FBL: variants seen among roughly 807,000 people sequenced by gnomAD.
FBL encodes fibrillarin rRNA 2'-O-methyltransferase.
FBL carries 10 observed loss-of-function variants against 42.2 expected under a neutral mutation model. The ratio of observed to expected loss-of-function variants is 0.24; its 90% CI spans 0.15 to 0.40. The LOEUF (loss-of-function observed/expected upper bound fraction) is 0.40, where lower values mean the gene tolerates loss of function less well. Among genes scored for constraint, FBL ranks in the 10% least tolerant of loss-of-function variants. The pLI is 1.00. For synonymous variants in FBL, 165 were observed against 165.4 expected (o/e 1.00, Z 0.02); for missense variants, 351 against 439.2 (o/e 0.80, Z 1.79).
At chr19:39,842,872 C>G (rs1969187303) in intron 1 of FBL, among the ~76,000 whole-genome samples, 1 of 152,062 alleles carries the variant, frequency 6.6e-6, no homozygotes, top group African/African-American at 2.4e-5. Flanking sequence ...ACTTCCCTGA[C>G]TTCATTCTCT....
In FBL at chr19:39,834,831, C is replaced by G; in HGVS notation, c.796-18G>C. 6.2e-7 allele frequency: 1 copy of G among 1,614,072 alleles called. No individual in the cohort carries two copies. The highest frequency in any genetic ancestry group is 8.5e-7 in the Non-Finnish European group (1 of 1,179,922). On this transcript the variant is annotated intron_variant, in intron 7 of 8. Transcript: ENST00000221801. Reference sequence around the variant, plus strand: ...CAGTTGGCCTAAAGAGGAGAAAGGACTAATGTCTACAACAGGGCTTTGGGC... The same window carrying G: ...CAGTTGGCCTAAAGAGGAGAAAGGAGTAATGTCTACAACAGGGCTTTGGGC...
rs1371302673 is a variant in FBL at position 39,834,690 on chromosome 19, C to A, written c.919G>T (p.Ala307Ser). 5 of 1,614,176 alleles carry A rather than the reference C, an allele frequency of 3.1e-6. No homozygotes were observed. In the Admixed American group the frequency reaches 8.3e-5, roughly 27 times the overall value. ...CACCTGTACACTCCCACGACCACGG[C>A]ATGGTCTCTTTCATATGGCTCAAGG... ...LTLEPYERDH[A>S]VVVGVYRPPP... Residue 307 changes from alanine to serine, a missense_variant, in exon 8 of 9, where the codon GCC (alanine) becomes TCC (serine). By Grantham distance (99) the Ala-to-Ser change is moderately conservative (BLOSUM62 1). Coordinates refer to ENST00000221801, the MANE Select transcript of FBL (RefSeq NM_001436.4).
chr19:39,846,098 C>T (rs1296404490), intron 1 of FBL, among the ~76,000 whole-genome samples, 193 bp downstream of exon 1: 1 of 152,224 alleles, frequency 6.6e-6, no homozygotes, highest in African/African-American at 2.4e-5. Flanking sequence ...CTTCGACTCA[C>T]GACCGTGACC....
rs546333744 is a variant in FBL at position 39,840,144 on chromosome 19, G to A, written c.378+89C>T. ...ATTATGACAATCCTCCAGCTGTCAC[G>A]TGCAGGACACATGGTGAGGGCAGAC... On this transcript the variant is annotated intron_variant, in intron 4 of 8. Transcript: ENST00000221801. The surrounding 1 kb of genome is among the most constrained non-coding windows in gnomAD (Gnocchi z 4.5). 42 of 889,936 alleles carry A rather than the reference G, an allele frequency of 4.7e-5. No individual in the cohort carries two copies. In the South Asian group the frequency reaches 5.1e-4, roughly 11 times the overall value. The allele number at this position is 889,936 out of a possible 1,614,324, so 55.1% of individuals were successfully genotyped here.
At position 39,834,580 on chromosome 19, in the gene FBL, GTGA is replaced by G. The variant is rs774951392; in HGVS notation, c.942-21_942-19del. 1.1e-5 allele frequency: 17 copies of G among 1,614,186 alleles called. No individual in the cohort carries two copies. The highest frequency in any genetic ancestry group is 1.2e-5 in the Non-Finnish European group (14 of 1,180,024). On this transcript the variant is annotated intron_variant, in intron 8 of 8. Coordinates refer to ENST00000221801, the MANE Select transcript of FBL (RefSeq NM_001436.4). Reference sequence around the variant, plus strand: ...GGGGTGGCCTGTGAGAGGAAGATAGGTGATGAAGGAGGGTCCCCAGGATCATGG... The same window carrying G: ...GGGGTGGCCTGTGAGAGGAAGATAGGTGAAGGAGGGTCCCCAGGATCATGG...
In FBL at chr19:39,837,787, G is replaced by C. The variant is rs1230018515; in HGVS notation, c.606C>G (p.Asn202Lys). ...FSHRSGRDLI[N>K]LAKKRTNIIP... is the part of the protein sequence containing the mutation. ...TGATGTTGGTCCTCTTCTTGGCCAAGTTAATGAGGTCACGGCCAGAGCGGT... is the reference window on the plus strand; with the variant it reads ...TGATGTTGGTCCTCTTCTTGGCCAACTTAATGAGGTCACGGCCAGAGCGGT... Residue 202 changes from asparagine (N) to lysine (K), a missense_variant, in exon 6 of 9, where the codon AAC becomes AAG. Coordinates refer to ENST00000221801, the MANE Select transcript of FBL (RefSeq NM_001436.4). 1 of 1,609,736 alleles carries C rather than the reference G, an allele frequency of 6.2e-7. No homozygotes were observed.
In FBL at chr19:39,834,479, A is replaced by C; in HGVS notation, c.*59T>G. The C allele has an allele frequency of 6.3e-7, 1 of 1,599,448 alleles. No homozygotes were observed. Among genetic ancestry groups the C allele is most frequent in the East Asian group, 2.2e-5 (1 of 44,788 alleles). On this transcript the variant is annotated 3_prime_UTR_variant, in exon 9 of 9. Transcript: ENST00000221801. ...GGGAGACGGATGAGTCTTTTAATAG[A>C]AAAACACACGTGCAACAGTATCAAC...
chr19:39,840,147 C>T lies in FBL; in HGVS notation c.378+86G>A. On this transcript the variant is annotated intron_variant, in intron 4 of 8. Coordinates refer to ENST00000221801, the MANE Select transcript of FBL (RefSeq NM_001436.4). The surrounding 1 kb of genome is among the most constrained non-coding windows in gnomAD (Gnocchi z 4.5). ...ATGACAATCCTCCAGCTGTCACGTG[C>T]AGGACACATGGTGAGGGCAGACACA... The T allele has an allele frequency of 2.2e-6, 2 of 906,682 alleles. No homozygotes were observed. The highest frequency in any genetic ancestry group is 1.4e-5 in the South Asian group (1 of 73,916). 56.2% of individuals were successfully genotyped at this position (906,682 alleles called of 1,614,324 possible). A position where few individuals can be genotyped will look rare whatever the true frequency, so the allele number is the denominator to read the frequency against.
chr19:39,846,198 C>G, intron 1 of FBL, 93 bp downstream of exon 1: 1 of 1,475,068 alleles, frequency 6.8e-7, no homozygotes, highest in South Asian at 1.1e-5. Context: ...ACCCCTGCCC[C>G]CAGGCCAAGG....
rs555133834 is a variant in FBL at position 39,837,850 on chromosome 19, T to A, written c.550-7A>T. 1 of 1,613,034 alleles carries A rather than the reference T, an allele frequency of 6.2e-7. No individual in the cohort carries two copies. The highest frequency in any genetic ancestry group is 2.2e-5 in the East Asian group (1 of 44,726). On this transcript the variant is annotated splice_polypyrimidine_tract_variant and splice_region_variant and intron_variant, in intron 5 of 8. Transcript: ENST00000221801. ...CTGCATAGACTAGACCATCCTAAAA[T>A]AAATTAAAAATTAATGAACAGTGAT...
At chr19:39,838,329 C>CAGCTT (rs1288685129) in intron 5 of FBL, 1 of 144,296 alleles carries the variant, frequency 6.9e-6, no homozygotes, top group Non-Finnish European at 1.5e-5. Context: ...TGTGCGATCT[C>CAGCTT]AGCTTAGTGC....
In FBL at chr19:39,834,572, GA is replaced by G. The variant is rs1316593811; in HGVS notation, c.942-11del. 1 of 1,614,166 alleles carries G rather than the reference GA, an allele frequency of 6.2e-7. No homozygotes were observed. Among genetic ancestry groups the G allele is most frequent in the South Asian group, 1.1e-5 (1 of 91,082 alleles). ...CACCTTGGGGGGTGGCCTGTGAGAG[GA>G]AGATAGGTGATGAAGGAGGGTCCCC... On this transcript the variant is annotated splice_polypyrimidine_tract_variant and intron_variant, in intron 8 of 8. Coordinates refer to ENST00000221801, the MANE Select transcript of FBL (RefSeq NM_001436.4).
intron 1 of FBL, among the ~76,000 whole-genome samples, chr19:39,844,273 C>T (rs1252362103): frequency 6.6e-6 from 1 of 152,202 alleles, no homozygotes. Flanking sequence ...ATGAAAGTCT[C>T]AACCCAGGCC....
Position 39,834,686 on chromosome 19 carries a change from A to G in FBL, c.923T>C (p.Val308Ala). The G allele has an allele frequency of 1.2e-6, 2 of 1,614,156 alleles. No individual in the cohort carries two copies. The highest frequency in any genetic ancestry group is 1.7e-6 in the Non-Finnish European group (2 of 1,180,014). The change falls in exon 8 of 9, where the codon GTG (valine) becomes GCG (alanine). Residue 308 changes from valine to alanine, a missense_variant. Coordinates refer to ENST00000221801, the MANE Select transcript of FBL (RefSeq NM_001436.4). The part of the protein sequence containing the change: ...TLEPYERDHA[V>A]VVGVYRPPPK... ...TGCTCACCTGTACACTCCCACGACC[A>G]CGGCATGGTCTCTTTCATATGGCTC...
intron 1 of FBL, among the ~76,000 whole-genome samples, chr19:39,844,628 T>C (rs1226607553): frequency 6.6e-6 from 1 of 152,172 alleles, no homozygotes; most frequent in Non-Finnish European, 1.5e-5. Flanking sequence ...AATCTGTTGG[T>C]TCTGTCTTCA....
At chr19:39,845,555 T>C (rs1424099313) in intron 1 of FBL, among the ~76,000 whole-genome samples, 1 of 152,196 alleles carries the variant, frequency 6.6e-6, no homozygotes, top group African/African-American at 2.4e-5. Flanking sequence ...GGGAGTGGTT[T>C]CAGCAGAATC....
Position 39,839,028 on chromosome 19 carries a change from C to T in FBL, c.549+7G>A. The T allele has an allele frequency of 6.2e-7, 1 of 1,604,958 alleles. No homozygotes were observed. Among genetic ancestry groups the T allele is most frequent in the Non-Finnish European group, 8.5e-7 (1 of 1,175,836 alleles). On this transcript the variant is annotated splice_region_variant and intron_variant, in intron 5 of 8. Transcript: ENST00000221801. ...CCTCCTGCCTGACTCTCCATCTACT[C>T]ACTCACCGGACCAACGATGTCAGAG... is the stretch of plus-strand genomic sequence containing the variant.
rs1390522037 is a variant in FBL, at chr19:39,839,054, A to G, written c.530T>C (p.Val177Ala). The G allele has an allele frequency of 6.2e-7, 1 of 1,613,304 alleles. No homozygotes were observed. Among genetic ancestry groups the G allele is most frequent in the East Asian group, 2.2e-5 (1 of 44,872 alleles). Reference sequence around the variant, plus strand: ...ACTCACCGGACCAACGATGTCAGAGACATGGGAGACCGTGGTGCCCGAGGC... The same window carrying G: ...ACTCACCGGACCAACGATGTCAGAGGCATGGGAGACCGTGGTGCCCGAGGC... ...GAASGTTVSH[V>A]SDIVGPDGLV... The change falls in exon 5 of 9, where the codon GTC (valine) becomes GCC (alanine). Residue 177 changes from valine to alanine, a missense_variant. Coordinates refer to ENST00000221801, the MANE Select transcript of FBL (RefSeq NM_001436.4).
At position 39,840,157 on chromosome 19, in the gene FBL, G is replaced by A. The variant is rs528687357; in HGVS notation, c.378+76C>T. 75 of 980,522 alleles carry A rather than the reference G, an allele frequency of 7.6e-5. No individual in the cohort carries two copies. The South Asian group carries it at 8.9e-4, about 12-fold the overall frequency. 60.7% of individuals were successfully genotyped at this position (980,522 alleles called of 1,614,324 possible). A position where few individuals can be genotyped will look rare whatever the true frequency, so the allele number is the denominator to read the frequency against. ...TCCAGCTGTCACGTGCAGGACACAT[G>A]GTGAGGGCAGACACAGACTACTGGC... On this transcript the variant is annotated intron_variant, in intron 4 of 8. Transcript: ENST00000221801. This position sits in a 1 kb window ranked among gnomAD's most constrained non-coding sequence, Gnocchi z 4.5.
Sources: allele counts gnomAD v4.1 joint callset (sites outside exome capture counted in the v4.1 genomes callset), GRCh38; gene constraint gnomAD v4.1.1; non-coding constraint Gnocchi (gnomAD v3.1); transcripts MANE v1.5; gene names NCBI Gene and HGNC (gene_info 2026-07-23, HGNC 2026-07-21).